EP300: variants seen among roughly 807,000 people sequenced by gnomAD.
The protein encoded by EP300 is EP300 lysine acetyltransferase, also known as histone acetyltransferase p300.
In EP300, 31 loss-of-function variants were observed where a neutral mutation model predicts 264.0. The observed-to-expected ratio is 0.12, with a 90% CI of 0.09 to 0.16. The LOEUF (loss-of-function observed/expected upper bound fraction) is 0.16, where lower values mean the gene tolerates loss of function less well. Among genes scored for constraint, EP300 ranks in the 10% least tolerant of loss-of-function variants. The pLI, the probability that EP300 is intolerant of heterozygous loss-of-function variation, is 1.00. For synonymous variants in EP300, 1,340 were observed against 1,045.4 expected, an observed-to-expected ratio of 1.28 and a Z score of -5.44; for missense variants, 2,766 against 3,052.9, an observed-to-expected ratio of 0.91 and a Z score of 2.21.
intron 1 of EP300, among the ~76,000 whole-genome samples, chr22:41,116,217 T>C (rs2058820806): frequency 6.6e-6 from 1 of 152,184 alleles, no homozygotes; most frequent in Non-Finnish European, 1.5e-5. Context: ...TTTAGAATGT[T>C]TTTCTTTTTT....
chr22:41,117,158 T>C (rs1448137766), intron 1 of EP300, 29 bp from the exon 2 acceptor site: 1 of 1,605,886 alleles, frequency 6.2e-7, no homozygotes. Context: ...TGTCATACTT[T>C]GACCTTTGTC....
intron 20 of EP300, 114 bp downstream of exon 20, chr22:41,160,836 A>C (rs2059104166): frequency 1.1e-6 from 1 of 937,294 alleles, no homozygotes; most frequent in East Asian, 2.6e-5. Flanking sequence ...GCCATTAGCC[A>C]CATGTTGCTA....
At chr22:41,106,638 G>A (rs2058759496) in intron 1 of EP300, among the ~76,000 whole-genome samples, 1 of 152,114 alleles carries the variant, frequency 6.6e-6, no homozygotes, top group South Asian at 2.1e-4. Flanking sequence ...GTTTTTTGTT[G>A]TTTGTTTGAG....
intron 20 of EP300, 87 bp from the exon 21 acceptor site, chr22:41,162,636 G>A (rs2059114127): frequency 6.9e-6 from 7 of 1,021,556 alleles, no homozygotes; most frequent in Middle Eastern, 4.8e-4. Context: ...TCTCTATATA[G>A]GGTGAAGTTT....
intron 17 of EP300, among the ~76,000 whole-genome samples, chr22:41,156,833 C>T (rs1277297837): frequency 6.6e-6 from 1 of 152,130 alleles, no homozygotes; most frequent in Admixed American, 6.6e-5. Flanking sequence ...GCTTAGTTTC[C>T]TCATTGTACA....
At position 41,147,856 on chromosome 22, in the gene EP300, G is replaced by A. The variant is rs763114512; in HGVS notation, c.2151G>A (p.Gln717=). Residue 717 remains glutamine, a synonymous_variant, in exon 12 of 31, where the codon CAG becomes CAA. Transcript: ENST00000263253. ...TPQSGLNQFG[Q]MSMAQPPIVP... ...TCACAGGTTTGAATCAATTTGGCCAGATGAGCATGGCCCAGCCCCCTATTG... is the reference window on the plus strand; with the variant it reads ...TCACAGGTTTGAATCAATTTGGCCAAATGAGCATGGCCCAGCCCCCTATTG... 1.9e-6 allele frequency: 3 copies of A among 1,613,924 alleles called. No homozygotes were observed. In the East Asian group the frequency reaches 6.7e-5, roughly 36 times the overall value.
intron 1 of EP300, among the ~76,000 whole-genome samples, chr22:41,096,452 A>G (rs1229325389): frequency 6.6e-6 from 1 of 152,108 alleles, no homozygotes; most frequent in Non-Finnish European, 1.5e-5. Context: ...TGGTCTTGGT[A>G]CAGTTTTGTG....
intron 29 of EP300, among the ~76,000 whole-genome samples, chr22:41,175,803 G>GA (rs1265404724): frequency 4.6e-5 from 7 of 152,134 alleles, no homozygotes; most frequent in South Asian, 2.1e-4. Context: ...GAATGAAGGA[G>GA]AAAAAAATCA....
intron 1 of EP300, among the ~76,000 whole-genome samples, chr22:41,100,222 G>C (rs1296171223): frequency 6.6e-6 from 1 of 152,170 alleles, no homozygotes. Flanking sequence ...AGGTGACATA[G>C]CAAGACTCTG....
rs2145726419 is a variant in EP300, at chr22:41,141,195, G to A, written c.2026G>A (p.Gly676Arg). Residue 676 changes from glycine (G) to arginine (R), a missense_variant, in exon 10 of 31, where the codon GGA (glycine) becomes AGA (arginine). Coordinates refer to ENST00000263253, the MANE Select transcript of EP300 (RefSeq NM_001429.4). Reference sequence around the variant, plus strand: ...TTCCATGAATCCAGGGCCTAACATGGGACAGCCGCAACCAGGAATGACTTC... The same window carrying A: ...TTCCATGAATCCAGGGCCTAACATGAGACAGCCGCAACCAGGAATGACTTC... ...PVSMNPGPNM[G>R]QPQPGMTSNG... 1 of 1,614,134 alleles carries A rather than the reference G, an allele frequency of 6.2e-7. No homozygotes were observed.
At chr22:41,098,789 AT>A (rs2145673936) in intron 1 of EP300, among the ~76,000 whole-genome samples, 1 of 152,298 alleles carries the variant, frequency 6.6e-6, no homozygotes, top group African/African-American at 2.4e-5. Context: ...CCAGGCTTGT[AT>A]TTATTAACTG....
intron 3 of EP300, 29 bp from the exon 4 acceptor site, chr22:41,127,458 A>C: frequency 6.2e-7 from 1 of 1,613,294 alleles, no homozygotes; most frequent in Non-Finnish European, 8.5e-7. Context: ...TATGACTCCT[A>C]CCATTAAATA....
At chr22:41,131,748 T>C in intron 6 of EP300, 115 bp downstream of exon 6, 1 of 1,487,854 alleles carries the variant, frequency 6.7e-7, no homozygotes, top group Non-Finnish European at 9.3e-7. Context: ...TTTAAGTAAT[T>C]TTTTAAAGAT....
chr22:41,140,815 C>T (rs1175125581), intron 9 of EP300, among the ~76,000 whole-genome samples: 1 of 152,062 alleles, frequency 6.6e-6, no homozygotes, highest in African/African-American at 2.4e-5. Context: ...TGGTGCTGAG[C>T]TGTTACCAGC....
intron 17 of EP300, 120 bp downstream of exon 17, chr22:41,155,233 T>C: frequency 1.1e-6 from 1 of 912,998 alleles, no homozygotes. Flanking sequence ...AGTGATTTTT[T>C]TTTTTTCCCC....
rs753972054 is a variant in EP300, at chr22:41,157,164, T to C, written c.3262-5T>C. On this transcript the variant is annotated splice_region_variant and splice_polypyrimidine_tract_variant and intron_variant, in intron 17 of 30. Transcript: ENST00000263253. ...AGTAATGTTTGATGTCACTTGTCTT[T>C]CTAGGATTACTTTGATATTGTGAAG... 2.5e-6 allele frequency: 4 copies of C among 1,613,910 alleles called. No homozygotes were observed. The highest frequency in any genetic ancestry group is 2.2e-5 in the East Asian group (1 of 44,872).
chr22:41,174,122 TAAG>T (rs752521455), intron 29 of EP300, among the ~76,000 whole-genome samples: 8 of 144,804 alleles, frequency 5.5e-5, no homozygotes, highest in Non-Finnish European at 9.1e-5. Flanking sequence ...GAAAAAGAAA[TAAG>T]AAATGAATAA....
rs144487095 is a variant in EP300 at position 41,104,104 on chromosome 22, G to T, written c.94+11006G>T. Among the ~76,000 whole-genome samples the T allele has an allele frequency of 2.9e-3, 441 of 152,144 alleles. 1 individual carries two copies. The highest frequency in any genetic ancestry group is 9.9e-3 in the African/African-American group (411 of 41,516). On this transcript the variant is annotated intron_variant, in intron 1 of 30. Transcript: ENST00000263253. ...TTTTGTTTTGTTTTGTTTTTAAAGG[G>T]TATGTTTCTCCATCTAGGATTCCCT...
chr22:41,155,620 T>G (rs2059072747), intron 17 of EP300, among the ~76,000 whole-genome samples: 2 of 152,178 alleles, frequency 1.3e-5, no homozygotes, highest in South Asian at 4.1e-4. Context: ...CCATTAACAG[T>G]CACTCACTAT....
Sources: gnomAD v4.1 joint callset for allele counts (sites outside exome capture counted in the v4.1 genomes callset) on GRCh38, gnomAD v4.1.1 for gene constraint, MANE v1.5 for transcripts, NCBI Gene and HGNC (gene_info 2026-07-23, HGNC 2026-07-21) for gene names.